Variants in MTF2 observed in about 807,000 individuals in gnomAD.
MTF2 encodes metal response element binding transcription factor 2.
Under a neutral mutation model 79.5 loss-of-function variants are expected in MTF2, and 11 were observed. That is an observed-to-expected ratio of 0.14 (90% CI 0.09 to 0.23). The LOEUF (loss-of-function observed/expected upper bound fraction) is 0.23, where lower values mean the gene tolerates loss of function less well. Among genes scored for constraint, MTF2 ranks in the 10% least tolerant of loss-of-function variants. The pLI is 1.00. For missense variants in MTF2, 486 were observed against 711.2 expected (o/e 0.68, Z 3.60); for synonymous variants, 208 against 232.8 (o/e 0.89, Z 0.97).
intron 11 of MTF2, among the ~76,000 whole-genome samples, chr1:93,130,835 C>G (rs954061395): frequency 5.9e-5 from 9 of 152,038 alleles, no homozygotes; most frequent in Admixed American, 5.2e-4. Context: ...GATTTCTGGC[C>G]TGAGCAACTG....
chr1:93,123,237 A>G (rs1656557368), intron 9 of MTF2, among the ~76,000 whole-genome samples: 1 of 137,274 alleles, frequency 7.3e-6, no homozygotes, highest in Non-Finnish European at 1.5e-5. Flanking sequence ...TTTTTAAGAG[A>G]CAGGACAGGA....
In MTF2 at chr1:93,110,329, T is replaced by A. The variant is rs1255287328; in HGVS notation, c.105T>A (p.Asp35Glu). The A allele has an allele frequency of 1.2e-6, 2 of 1,614,198 alleles. No individual in the cohort carries two copies. The highest frequency in any genetic ancestry group is 1.7e-6 in the Non-Finnish European group (2 of 1,180,028). The change falls in exon 2 of 15, where the codon GAT (aspartate) becomes GAA (glutamate). Residue 35 changes from aspartate (D) to glutamate (E), a missense_variant. Transcript: ENST00000370298. The stretch of plus-strand genomic sequence containing the variant: ...CCTTGACCAAGCTGTCTTTACAGGA[T>A]GGACATAAAGCCAAAAAGCCAGCAT... ...PTSLTKLSLQ[D>E]GHKAKKPACK...
chr1:93,091,407 C>A (rs924725582), intron 1 of MTF2, among the ~76,000 whole-genome samples: 13 of 152,018 alleles, frequency 8.6e-5, no homozygotes, highest in African/African-American at 3.1e-4. Flanking sequence ...GTTGCCCAGA[C>A]TAGTTTTCTA....
At chr1:93,105,826 C>T (rs527768526) in intron 1 of MTF2, among the ~76,000 whole-genome samples, 17 of 152,194 alleles carry the variant, frequency 1.1e-4, no homozygotes, top group African/African-American at 3.9e-4. Flanking sequence ...CAGGTGCCAG[C>T]CATCACGCCC....
intron 1 of MTF2, among the ~76,000 whole-genome samples, chr1:93,108,739 G>A (rs1053249055): frequency 6.6e-6 from 1 of 151,130 alleles, no homozygotes; most frequent in African/African-American, 2.4e-5. Flanking sequence ...AGCAAATTTG[G>A]GAAGGTACCA....
At chr1:93,115,347 T>C (rs764259767) in intron 5 of MTF2, 123 bp from the exon 6 acceptor site, 28 of 821,536 alleles carry the variant, frequency 3.4e-5, no homozygotes, top group Non-Finnish European at 4.9e-5. Flanking sequence ...ATCAGACAGT[T>C]TGTGATATGG....
rs749769909 is a variant in MTF2, at chr1:93,114,677, A to G, written c.287-11A>G. 1 of 1,576,386 alleles carries G rather than the reference A, an allele frequency of 6.3e-7. No homozygotes were observed. Among genetic ancestry groups the G allele is most frequent in the South Asian group, 1.2e-5 (1 of 85,332 alleles). On this transcript the variant is annotated splice_polypyrimidine_tract_variant and intron_variant, in intron 3 of 14. Transcript: ENST00000370298. ...ATGACTCTCTTTTTTAATGTGTTTT[A>G]AATATTTTAGGAGCCACTGGAAGTG...
intron 1 of MTF2, among the ~76,000 whole-genome samples, chr1:93,109,052 T>C (rs566768999): frequency 1.3e-5 from 2 of 152,346 alleles, no homozygotes; most frequent in African/African-American, 2.4e-5. Context: ...AGGAACTTTT[T>C]GAAACTTTTT....
chr1:93,114,922 A>G lies in MTF2; in HGVS notation c.383-66A>G, dbSNP rs1656186391. Reference sequence around the variant, plus strand: ...AATGTAGGAAATAATGCTAAAATGCATTCTTGAAATTGTGTTGAAAGTATT... The same window carrying G: ...AATGTAGGAAATAATGCTAAAATGCGTTCTTGAAATTGTGTTGAAAGTATT... On this transcript the variant is annotated intron_variant, in intron 4 of 14. Transcript: ENST00000370298. The G allele has an allele frequency of 2.3e-6, 3 of 1,298,862 alleles. No individual in the cohort carries two copies. The Admixed American group carries it at 6.3e-5, about 27-fold the overall frequency. The allele number at this position is 1,298,862 out of a possible 1,614,324, so 80.5% of individuals were successfully genotyped here. A position where few individuals can be genotyped will look rare whatever the true frequency, so the allele number is the denominator to read the frequency against.
At chr1:93,097,667 A>AG (rs1348652932) in intron 1 of MTF2, among the ~76,000 whole-genome samples, 3 of 151,922 alleles carry the variant, frequency 2.0e-5, no homozygotes, top group Non-Finnish European at 2.9e-5. Context: ...GTGCGATCTC[A>AG]GCTCACTGCA....
At chr1:93,086,534 A>G (rs1654847265) in intron 1 of MTF2, among the ~76,000 whole-genome samples, 1 of 151,468 alleles carries the variant, frequency 6.6e-6, no homozygotes, top group African/African-American at 2.4e-5. Context: ...AAGAAGGGCA[A>G]TTTTGGTAGT....
At chr1:93,129,561 T>C in intron 11 of MTF2, 113 bp downstream of exon 11, 1 of 564,718 alleles carries the variant, frequency 1.8e-6, no homozygotes. Flanking sequence ...TACTCTGATT[T>C]TTTTTTTTTT....
chr1:93,104,874 C>T (rs1349441613), intron 1 of MTF2, among the ~76,000 whole-genome samples: 3 of 150,454 alleles, frequency 2.0e-5, no homozygotes, highest in South Asian at 2.1e-4. Flanking sequence ...CAGACATTCT[C>T]GGCCGGGCGC....
At chr1:93,093,757 T>C (rs1473918068) in intron 1 of MTF2, among the ~76,000 whole-genome samples, 1 of 152,146 alleles carries the variant, frequency 6.6e-6, no homozygotes, top group Admixed American at 6.5e-5. Context: ...TGGAGTGTAG[T>C]GGCTATTCAC....
At chr1:93,083,009 C>T (rs1226309412) in intron 1 of MTF2, among the ~76,000 whole-genome samples, 1 of 152,118 alleles carries the variant, frequency 6.6e-6, no homozygotes, top group African/African-American at 2.4e-5. Context: ...CTATATTAGT[C>T]CATTCTTGTA....
chr1:93,113,382 G>A (rs1656114935), intron 3 of MTF2, among the ~76,000 whole-genome samples: 1 of 151,846 alleles, frequency 6.6e-6, no homozygotes, highest in Non-Finnish European at 1.5e-5. Context: ...CCTATCTGAG[G>A]GGAAAAATAA....
At chr1:93,129,147 G>T in intron 10 of MTF2, 131 bp from the exon 11 acceptor site, 1 of 531,126 alleles carries the variant, frequency 1.9e-6, no homozygotes, top group Non-Finnish European at 3.1e-6. Context: ...AGGAAAGCAA[G>T]GGGAAGTGAA....
chr1:93,101,216 A>G (rs1057201292), intron 1 of MTF2, among the ~76,000 whole-genome samples: 3 of 152,148 alleles, frequency 2.0e-5, no homozygotes, highest in African/African-American at 7.2e-5. Context: ...TGGCTTGAAC[A>G]CTTGGTCTCA....
intron 8 of MTF2, 172 bp downstream of exon 8, chr1:93,119,573 T>G (rs552275493): frequency 5.8e-5 from 32 of 550,986 alleles, no homozygotes; most frequent in Admixed American, 2.9e-4. Context: ...TAACATCCAC[T>G]TGTATTGCTA....
Sources: allele counts gnomAD v4.1 joint callset (sites outside exome capture counted in the v4.1 genomes callset), GRCh38; gene constraint gnomAD v4.1.1; transcripts MANE v1.5; gene names NCBI Gene and HGNC (gene_info 2026-07-23, HGNC 2026-07-21).